RAB11FIP3: variants seen among roughly 807,000 people sequenced by gnomAD.
The protein encoded by RAB11FIP3 is RAB11 family interacting protein 3.
In RAB11FIP3, 17 loss-of-function variants were observed where a neutral mutation model predicts 77.8. That is an observed-to-expected ratio of 0.22 (90% CI 0.15 to 0.33). The LOEUF (loss-of-function observed/expected upper bound fraction) is 0.33. Among genes scored for constraint, RAB11FIP3 ranks in the 10% least tolerant of loss-of-function variants. The probability of loss-of-function intolerance (pLI) is 1.00; values close to 1 mark genes in which losing one functional copy is unlikely to be tolerated. For synonymous variants in RAB11FIP3, 437 were observed against 448.2 expected, an observed-to-expected ratio of 0.98 and a Z score of 0.31; for missense variants, 1,005 against 1,011.2, an observed-to-expected ratio of 0.99 and a Z score of 0.08.
At chr16:451,157 T>C (rs1471700749) in intron 1 of RAB11FIP3, among the ~76,000 whole-genome samples, 1 of 152,108 alleles carries the variant, frequency 6.6e-6, no homozygotes, top group East Asian at 1.9e-4. Context: ...ACCATTGAAT[T>C]GTACCCTTCA....
chr16:473,639 C>T (rs978086512), intron 3 of RAB11FIP3, among the ~76,000 whole-genome samples: 1 of 152,004 alleles, frequency 6.6e-6, no homozygotes, highest in Non-Finnish European at 1.5e-5. Context: ...GGGGTTTCAC[C>T]GTGTTGCCTA....
chr16:492,460 G>GGGAGACCCGAGGCCATCCAGGGCCCCCCC (rs1567392373), intron 5 of RAB11FIP3, among the ~76,000 whole-genome samples: 1 of 28,306 alleles, frequency 3.5e-5, no homozygotes, highest in Non-Finnish European at 6.8e-5. Context: ...GGCCCTTCCC[G>GGGAGACCCGAGGCCATCCAGGGCCCCCCC]GGGAGACCCG....
chr16:436,169 G>T (rs1464766534), intron 1 of RAB11FIP3, among the ~76,000 whole-genome samples: 1 of 152,154 alleles, frequency 6.6e-6, no homozygotes, highest in Admixed American at 6.5e-5. Context: ...AATTAGCCGG[G>T]CGTGGTGGCA....
chr16:491,347 C>A, intron 5 of RAB11FIP3: 1 of 1,255,014 alleles, frequency 8.0e-7, no homozygotes, highest in South Asian at 1.3e-5. Flanking sequence ...CCTTGAGGGC[C>A]TGCCCCGAGG....
intron 4 of RAB11FIP3, among the ~76,000 whole-genome samples, chr16:487,546 G>T (rs1481588578): frequency 1.3e-5 from 2 of 152,202 alleles, no homozygotes; most frequent in Non-Finnish European, 2.9e-5. Context: ...GTGGGTCCGG[G>T]CGGAGCAGAG....
At chr16:446,583 GCTCTAGC>G (rs1178135833) in intron 1 of RAB11FIP3, among the ~76,000 whole-genome samples, 1 of 152,226 alleles carries the variant, frequency 6.6e-6, no homozygotes, top group Non-Finnish European at 1.5e-5. Flanking sequence ...GGCATCTGCT[GCTCTAGC>G]CTGGTGTCCA....
Position 488,878 on chromosome 16 carries a change from C to T in RAB11FIP3, c.1143C>T (p.Ile381=). The change falls in exon 5 of 14, where the codon ATC becomes ATT. Residue 381 remains isoleucine (I), a synonymous_variant. Transcript: ENST00000262305. ...GRPHPHGQSV[I]TVIGGEEHFE... ...CTCACCCCCATGGCCAGTCTGTCAT[C>T]ACGGTGATCGGGGGCGAGGAGCACT... The T allele has an allele frequency of 1.2e-6, 2 of 1,614,070 alleles. No homozygotes were observed. The highest frequency in any genetic ancestry group is 8.5e-7 in the Non-Finnish European group (1 of 1,179,988).
chr16:458,073 C>T (rs551068599), intron 1 of RAB11FIP3, among the ~76,000 whole-genome samples: 23 of 152,370 alleles, frequency 1.5e-4, no homozygotes, highest in Non-Finnish European at 1.0e-4. Flanking sequence ...GAAACTCAGT[C>T]TCTGGCTCAG....
chr16:510,620 C>T, intron 8 of RAB11FIP3, 40 bp from the exon 9 acceptor site: 5 of 1,553,556 alleles, frequency 3.2e-6, no homozygotes, highest in Non-Finnish European at 2.6e-6. Flanking sequence ...ACTGCACACC[C>T]TGCCTGGAGA....
chr16:473,730 G>A (rs371971497), intron 3 of RAB11FIP3, among the ~76,000 whole-genome samples: 6 of 152,132 alleles, frequency 3.9e-5, no homozygotes, highest in Non-Finnish European at 7.4e-5. Context: ...GTGAGCCACC[G>A]CACCCAGCCT....
At chr16:442,588 G>T (rs556293131) in intron 1 of RAB11FIP3, among the ~76,000 whole-genome samples, 1 of 152,262 alleles carries the variant, frequency 6.6e-6, no homozygotes, top group South Asian at 2.1e-4. Flanking sequence ...ATCCAGGGTG[G>T]TCAGGCAGGG....
intron 1 of RAB11FIP3, among the ~76,000 whole-genome samples, chr16:427,435 G>T (rs911324095): frequency 3.9e-5 from 6 of 152,210 alleles, no homozygotes; most frequent in African/African-American, 1.4e-4. Context: ...CAGGCACTAC[G>T]CACAGTACAG....
chr16:507,237 G>A lies in RAB11FIP3; in HGVS notation c.1499+1610G>A, dbSNP rs1258730014. On this transcript the variant is annotated intron_variant, in intron 8 of 13. Coordinates refer to ENST00000262305, the MANE Select transcript of RAB11FIP3 (RefSeq NM_014700.4). The surrounding 1 kb of genome is among the most constrained non-coding windows in gnomAD (Gnocchi z 4.6). ...AGCGATTCTTCTGCCTCAGCCTCCT[G>A]AGTAGCTGGGACTTGCAGGCATGCA... Among the ~76,000 whole-genome samples the A allele has an allele frequency of 6.6e-6, 1 of 151,668 alleles. No individual in the cohort carries two copies. Among genetic ancestry groups the A allele is most frequent in the Non-Finnish European group, 1.5e-5 (1 of 67,994 alleles).
At chr16:511,005 C>G (rs2032124882) in intron 9 of RAB11FIP3, among the ~76,000 whole-genome samples, 1 of 143,286 alleles carries the variant, frequency 7.0e-6, no homozygotes, top group Admixed American at 6.9e-5. Context: ...AGGAGAAGTT[C>G]CCCGAAAGTC....
chr16:516,901 C>G (rs1312566425), intron 9 of RAB11FIP3, among the ~76,000 whole-genome samples: 2 of 152,182 alleles, frequency 1.3e-5, no homozygotes, highest in African/African-American at 2.4e-5. Context: ...ATCTTCCTCA[C>G]AGAGGAATTC....
chr16:471,427 G>C lies in RAB11FIP3; in HGVS notation c.903+38G>C, dbSNP rs1212629907. ...CACCCAGGAGCTTGGGGGAAGTCTG[G>C]CATCCACCTCTTCCTTTATGCCCTA... is the stretch of plus-strand genomic sequence containing the variant. On this transcript the variant is annotated intron_variant, in intron 3 of 13. Transcript: ENST00000262305. This position sits in a 1 kb window ranked among gnomAD's most constrained non-coding sequence, Gnocchi z 4.4. The C allele has an allele frequency of 1.1e-5, 16 of 1,491,568 alleles. No homozygotes were observed. Among genetic ancestry groups the C allele is most frequent in the East Asian group, 4.7e-5 (2 of 42,766 alleles). The allele number at this position is 1,491,568 out of a possible 1,614,324, so 92.4% of individuals were successfully genotyped here.
chr16:427,923 C>A (rs909862314), intron 1 of RAB11FIP3, among the ~76,000 whole-genome samples: 2 of 151,578 alleles, frequency 1.3e-5, no homozygotes, highest in Non-Finnish European at 2.9e-5. Flanking sequence ...TATGGTGAAA[C>A]CCCGTCTCCA....
chr16:491,331 C>T (rs980415908), intron 5 of RAB11FIP3: 34 of 1,275,172 alleles, frequency 2.7e-5, no homozygotes, highest in Admixed American at 2.3e-5. Context: ...CGGATACCCA[C>T]AGCCCCCTTG....
intron 2 of RAB11FIP3, among the ~76,000 whole-genome samples, chr16:463,182 T>C (rs1476061476): frequency 6.6e-6 from 1 of 152,174 alleles, no homozygotes. Flanking sequence ...TCCTCATGTT[T>C]GGCCAGGCGG....
Sources: allele counts gnomAD v4.1 joint callset (sites outside exome capture counted in the v4.1 genomes callset), GRCh38; gene constraint gnomAD v4.1.1; non-coding constraint Gnocchi (gnomAD v3.1); transcripts MANE v1.5; gene names NCBI Gene and HGNC (gene_info 2026-07-23, HGNC 2026-07-21).